Variants in CACNA1C observed in about 807,000 individuals in gnomAD.
CACNA1C encodes the protein calcium voltage-gated channel subunit alpha1 C.
In CACNA1C, 30 loss-of-function variants were observed where a neutral mutation model predicts 229.0. That is an observed-to-expected ratio of 0.13 (90% confidence interval 0.10 to 0.18). CACNA1C has a LOEUF of 0.18. CACNA1C is among the 10% of genes least tolerant of loss of function. CACNA1C has a pLI of 1.00. For missense variants in CACNA1C, 1,658 were observed against 2,845.0 expected (o/e 0.58, Z 9.49); for synonymous variants, 1,114 against 1,132.5 (o/e 0.98, Z 0.33).
At chr12:2,648,779 T>C (rs2094602100) in intron 31 of CACNA1C, among the ~76,000 whole-genome samples, 1 of 152,162 alleles carries the variant, frequency 6.6e-6, no homozygotes, top group Non-Finnish European at 1.5e-5. Context: ...TGGGAGAGAA[T>C]GGGACCCGAG....
At chr12:2,304,212 T>C (rs1377753584) in intron 3 of CACNA1C, among the ~76,000 whole-genome samples, 1 of 152,054 alleles carries the variant, frequency 6.6e-6, no homozygotes, top group Non-Finnish European at 1.5e-5. Context: ...CAGGGTGGAT[T>C]CCAGTGGGCT....
chr12:2,589,249 A>C (rs1458464941), intron 18 of CACNA1C, among the ~76,000 whole-genome samples: 1 of 152,236 alleles, frequency 6.6e-6, no homozygotes, highest in Non-Finnish European at 1.5e-5. Context: ...CAGGCAGCAG[A>C]CAAACCAACC....
In CACNA1C at chr12:2,677,494, CT is replaced by C; in HGVS notation, c.4957-238del. On this transcript the variant is annotated intron_variant, in intron 40 of 46. Coordinates refer to ENST00000399655, the MANE Select transcript of CACNA1C (RefSeq NM_000719.7). This position sits in a 1 kb window ranked among gnomAD's most constrained non-coding sequence, Gnocchi z 7.4. Reference sequence around the variant, plus strand: ...TTCACTGAGGCTCCCGTGACAGCCCCTGACCCCTGGTGCCCCGTCCTAATGA... The same window carrying C: ...TTCACTGAGGCTCCCGTGACAGCCCCGACCCCTGGTGCCCCGTCCTAATGA... The C allele has an allele frequency of 1.6e-6, 1 of 618,010 alleles. No individual in the cohort carries two copies. The highest frequency in any genetic ancestry group is 2.8e-6 in the Non-Finnish European group (1 of 355,850). The allele number at this position is 618,010 out of a possible 1,614,324, so 38.3% of individuals were successfully genotyped here.
At chr12:2,255,268 GAAAA>G (rs746929189) in intron 3 of CACNA1C, among the ~76,000 whole-genome samples, 1 of 95,666 alleles carries the variant, frequency 1.0e-5, no homozygotes, top group Non-Finnish European at 2.2e-5. Context: ...TTCTGCTGCA[GAAAA>G]AAAAAAAAAA....
chr12:2,297,785 G>A (rs148224814), intron 3 of CACNA1C, among the ~76,000 whole-genome samples: 2 of 152,224 alleles, frequency 1.3e-5, no homozygotes, highest in African/African-American at 4.8e-5. Flanking sequence ...TCTGTAATGT[G>A]CATATACGTG....
At chr12:2,299,415 G>A (rs1002580671) in intron 3 of CACNA1C, among the ~76,000 whole-genome samples, 6 of 152,172 alleles carry the variant, frequency 3.9e-5, no homozygotes, top group Non-Finnish European at 8.8e-5. Context: ...GCCCAGCTGT[G>A]TACCATTTCC....
chr12:1,984,994 T>C (rs571475937), intron 1 of CACNA1C, among the ~76,000 whole-genome samples: 2 of 151,752 alleles, frequency 1.3e-5, no homozygotes, highest in East Asian at 3.9e-4. Context: ...ATTATTATCC[T>C]AGATGTAACA....
intron 3 of CACNA1C, among the ~76,000 whole-genome samples, chr12:2,391,314 A>G (rs1450701374): frequency 6.6e-6 from 1 of 152,148 alleles, no homozygotes; most frequent in Non-Finnish European, 1.5e-5. Flanking sequence ...TGTCAGAAAT[A>G]CTGACTCCTC....
In CACNA1C at chr12:2,678,004, G is replaced by C; in HGVS notation, c.5091+137G>C. 9.9e-7 allele frequency: 1 copy of C among 1,011,424 alleles called. No homozygotes were observed. Among genetic ancestry groups the C allele is most frequent in the South Asian group, 1.5e-5 (1 of 64,992 alleles). 62.7% of individuals were successfully genotyped at this position (1,011,424 alleles called of 1,614,324 possible). Reference sequence around the variant, plus strand: ...GGGCTACTTCCAGGCTCTTCCTGATGAGCTGTCTCCTCACCCCTTTGCCTT... The same window carrying C: ...GGGCTACTTCCAGGCTCTTCCTGATCAGCTGTCTCCTCACCCCTTTGCCTT... On this transcript the variant is annotated intron_variant, in intron 41 of 46. Transcript: ENST00000399655. The surrounding 1 kb of genome is among the most constrained non-coding windows in gnomAD (Gnocchi z 4.1).
intron 13 of CACNA1C, among the ~76,000 whole-genome samples, chr12:2,569,714 A>C (rs1458936573): frequency 1.3e-5 from 2 of 152,194 alleles, no homozygotes; most frequent in Non-Finnish European, 2.9e-5. Flanking sequence ...TTTGGTTGTT[A>C]CTATCTTTTG....
intron 1 of CACNA1C, among the ~76,000 whole-genome samples, chr12:2,026,977 GA>G (rs1215599675): frequency 6.6e-6 from 1 of 151,890 alleles, no homozygotes; most frequent in Non-Finnish European, 1.5e-5. Flanking sequence ...TTTGTGGGTT[GA>G]AAAAAAAGTT....
intron 38 of CACNA1C, 107 bp downstream of exon 38, chr12:2,669,142 C>G: frequency 2.5e-6 from 2 of 811,562 alleles, no homozygotes; most frequent in Non-Finnish European, 4.3e-6. Flanking sequence ...CTGCCCCAGA[C>G]AGCATCCGAG....
chr12:2,006,145 C>CA (rs1491426070), intron 1 of CACNA1C, among the ~76,000 whole-genome samples: 2 of 152,158 alleles, frequency 1.3e-5, no homozygotes, highest in Admixed American at 1.3e-4. Context: ...TGCGGTGGCT[C>CA]CTGCCTGTAA....
chr12:2,567,484 G>T (rs1052814383), intron 12 of CACNA1C, 85 bp from the exon 13 acceptor site: 8 of 803,756 alleles, frequency 1.0e-5, no homozygotes, highest in Non-Finnish European at 1.4e-5. Flanking sequence ...TTCCAATGGA[G>T]ATAATTACTG....
chr12:2,535,266 A>G (rs1420053866), intron 9 of CACNA1C, among the ~76,000 whole-genome samples: 1 of 152,066 alleles, frequency 6.6e-6, no homozygotes, highest in South Asian at 2.1e-4. Context: ...CTGGGCGCCT[A>G]TAGTCCCAGC....
intron 46 of CACNA1C, 40 bp from the exon 47 acceptor site, chr12:2,690,860 G>C: frequency 6.7e-7 from 1 of 1,497,620 alleles, no homozygotes; most frequent in Non-Finnish European, 9.0e-7. Flanking sequence ...CAGGAGTAAT[G>C]TTCCTTTGGT....
rs1441520073 is a variant in CACNA1C, at chr12:2,285,870, C to G, written c.478-163106C>G. ...GGAATACCACATGGATGGTAAAGTT[C>G]AGCCGTTTTCCACTGAAGATAGGGA... On this transcript the variant is annotated intron_variant, in intron 3 of 46. Transcript: ENST00000399655. This position sits in a 1 kb window ranked among gnomAD's most constrained non-coding sequence, Gnocchi z 4.2. Among the ~76,000 whole-genome samples, 1 of 152,154 alleles carries G rather than the reference C, an allele frequency of 6.6e-6. No homozygotes were observed. Among genetic ancestry groups the G allele is most frequent in the African/African-American group, 2.4e-5 (1 of 41,432 alleles).
At chr12:2,213,729 C>A (rs1470135347) in intron 3 of CACNA1C, among the ~76,000 whole-genome samples, 3 of 152,188 alleles carry the variant, frequency 2.0e-5, no homozygotes, top group Admixed American at 2.0e-4. Flanking sequence ...CCCCGGGCCC[C>A]GTCCACAGAG....
rs1196818095 is a variant in CACNA1C at position 2,410,197 on chromosome 12, C to T, written c.478-38779C>T. Among the ~76,000 whole-genome samples, 2 of 152,220 alleles carry T rather than the reference C, an allele frequency of 1.3e-5. No individual in the cohort carries two copies. The highest frequency in any genetic ancestry group is 2.9e-5 in the Non-Finnish European group (2 of 68,040). ...AGAGGGACAGGGTCCTTCCCCGCAG[C>T]ACTGAGGCTTGGCCAGTCGTGATGC... On this transcript the variant is annotated intron_variant, in intron 3 of 46. Coordinates refer to ENST00000399655, the MANE Select transcript of CACNA1C (RefSeq NM_000719.7). The surrounding 1 kb of genome is among the most constrained non-coding windows in gnomAD (Gnocchi z 5.3).
Sources: gnomAD v4.1 joint callset for allele counts (sites outside exome capture counted in the v4.1 genomes callset) on GRCh38, gnomAD v4.1.1 for gene constraint, Gnocchi (gnomAD v3.1) non-coding constraint, MANE v1.5 for transcripts, NCBI Gene and HGNC (gene_info 2026-07-23, HGNC 2026-07-21) for gene names.